Variants in ZC4H2 observed in about 807,000 individuals in gnomAD.
ZC4H2 encodes zinc finger C4H2 domain-containing protein.
For synonymous variants in ZC4H2, 84 were observed against 66.3 expected (o/e 1.27, Z -1.30); for missense variants, 137 against 173.9 (o/e 0.79, Z 1.19).
intron 1 of ZC4H2, among the ~76,000 whole-genome samples, chrX:64,989,980 T>C (rs766533608): frequency 1.8e-4 from 20 of 112,062 alleles, no homozygotes; most frequent in Non-Finnish European, 7.5e-5. Flanking sequence ...GTTTTGTATT[T>C]TTAAAAAAGA....
chrX:64,978,186 G>A (rs1932005098), upstream of ZC4H2, among the ~76,000 whole-genome samples: 1 of 111,865 alleles, frequency 8.9e-6, no homozygotes, highest in Admixed American at 9.4e-5. Flanking sequence ...ACAGGGCTTG[G>A]TATTTTGTAG....
intron 1 of ZC4H2, among the ~76,000 whole-genome samples, chrX:65,008,238 A>G (rs1354298888): frequency 1.8e-5 from 2 of 112,265 alleles, no homozygotes; most frequent in Non-Finnish European, 3.8e-5. Flanking sequence ...TTATCAGAGA[A>G]ATGGAAATCA....
intron 1 of ZC4H2, among the ~76,000 whole-genome samples, chrX:65,011,433 C>G (rs748928617): frequency 9.0e-6 from 1 of 111,360 alleles, no homozygotes; most frequent in East Asian, 2.8e-4. Flanking sequence ...TTAGCGAGGC[C>G]CTGGGTGAGG....
intron 1 of ZC4H2, among the ~76,000 whole-genome samples, chrX:64,988,614 T>C (rs1033287040): frequency 3.6e-5 from 4 of 111,016 alleles, no homozygotes; most frequent in African/African-American, 1.3e-4. Flanking sequence ...GAATTCATTG[T>C]AGATTCTGGA....
rs935556868 is a variant in ZC4H2 at position 64,916,246 on chromosome X, T to C, written c.*1537A>G. The C allele has an allele frequency of 3.6e-5, 4 of 111,508 alleles. No homozygotes were observed. Among genetic ancestry groups the C allele is most frequent in the African/African-American group, 1.3e-4 (4 of 30,608 alleles). The allele number at this position is 111,508 out of a possible 1,213,427, so 9.2% of individuals were successfully genotyped here. ...AATCATTTATATTAAGCAACTTGCA[T>C]AGGTACCTGGCACAGAGTAGGTGCT... On this transcript the variant is annotated 3_prime_UTR_variant, in exon 5 of 5. Transcript: ENST00000374839.
At chrX:64,920,326 T>A (rs1929140958) in intron 2 of ZC4H2, 73 bp from the exon 3 acceptor site, 2 of 1,064,714 alleles carry the variant, frequency 1.9e-6, no homozygotes, top group Admixed American at 2.6e-5. Flanking sequence ...GCTGAGTGAA[T>A]AATAGCACAA....
chrX:64,945,755 C>T (rs751770069), intron 1 of ZC4H2, among the ~76,000 whole-genome samples: 5 of 111,471 alleles, frequency 4.5e-5, no homozygotes, highest in Admixed American at 1.9e-4. Context: ...GGACTGCTGC[C>T]TTTTTTCCCG....
In ZC4H2 at chrX:65,021,986, A is replaced by T. The variant is rs747511293; in HGVS notation, c.-272+12643T>A. 2.7e-5 allele frequency among the ~76,000 whole-genome samples: 3 copies of T among 111,999 alleles called. No homozygotes were observed. The East Asian group carries it at 8.4e-4, about 31-fold the overall frequency. ...CCAAGACTAAACCAGGGAGAAGTCG[A>T]ATCCCTGAATATATCAGTAACAAGT... On this transcript the variant is annotated intron_variant, in intron 1 of 4. Coordinates refer to the ZC4H2 transcript ENST00000337990.
intron 1 of ZC4H2, among the ~76,000 whole-genome samples, chrX:65,018,637 C>CTT (rs34913522): frequency 7.5e-5 from 8 of 106,926 alleles, no homozygotes; most frequent in African/African-American, 2.8e-4. Flanking sequence ...GTTGCAGGAG[C>CTT]TTTTTTTTTT....
At chrX:64,981,902 A>G (rs1932088815) in intron 1 of ZC4H2, among the ~76,000 whole-genome samples, 1 of 111,103 alleles carries the variant, frequency 9.0e-6, no homozygotes, top group African/African-American at 3.3e-5. Context: ...AGGTATTCTC[A>G]GGCAATGTTT....
At chrX:64,958,588 C>T (rs1931254490) in intron 1 of ZC4H2, among the ~76,000 whole-genome samples, 1 of 111,444 alleles carries the variant, frequency 9.0e-6, no homozygotes, top group South Asian at 3.8e-4. Flanking sequence ...TCAATCTCCC[C>T]ACCTCCAAAA....
At chrX:64,965,723 C>A (rs1931565449) in intron 1 of ZC4H2, among the ~76,000 whole-genome samples, 1 of 109,936 alleles carries the variant, frequency 9.1e-6, no homozygotes, top group African/African-American at 3.3e-5. Context: ...ATCGCTTGAG[C>A]CCAGGAGTTC....
Position 64,921,805 on chromosome X carries a change from G to A in ZC4H2, c.225+12C>T. The A allele has an allele frequency of 8.3e-7, 1 of 1,207,614 alleles. No homozygotes were observed. Among genetic ancestry groups the A allele is most frequent in the Non-Finnish European group, 1.1e-6 (1 of 893,772 alleles). The stretch of plus-strand genomic sequence containing the variant: ...CAAAGGCTTTAGAGATAGGCTCCAG[G>A]CAGCCACGTACCACATTGATGTCAG... On this transcript the variant is annotated intron_variant, in intron 2 of 4. Transcript: ENST00000374839.
At chrX:64,961,406 T>C (rs1291515004) in intron 1 of ZC4H2, among the ~76,000 whole-genome samples, 1 of 111,587 alleles carries the variant, frequency 9.0e-6, no homozygotes, top group Admixed American at 9.5e-5. Context: ...CATAATAGTT[T>C]TCATCTATAG....
intron 1 of ZC4H2, among the ~76,000 whole-genome samples, chrX:64,985,869 AC>A (rs1469930734): frequency 9.0e-6 from 1 of 111,304 alleles, no homozygotes; most frequent in African/African-American, 3.3e-5. Context: ...TCTCCTCTTG[AC>A]CCTCTTACTT....
At chrX:65,032,356 T>C (rs1414782746) in intron 1 of ZC4H2, among the ~76,000 whole-genome samples, 1 of 112,055 alleles carries the variant, frequency 8.9e-6, no homozygotes, top group Admixed American at 9.4e-5. Flanking sequence ...TAAGCAAATT[T>C]TGTAAAAAGT....
At chrX:64,980,069 C>A (rs931196799), upstream of ZC4H2, among the ~76,000 whole-genome samples, 1 of 112,034 alleles carries the variant, frequency 8.9e-6, no homozygotes, top group African/African-American at 3.2e-5. Flanking sequence ...AGTCTTGGTT[C>A]CAAATTGCCT....
At chrX:64,980,386 A>G (rs1297393858), upstream of ZC4H2, among the ~76,000 whole-genome samples, 1 of 111,900 alleles carries the variant, frequency 8.9e-6, no homozygotes, top group Non-Finnish European at 1.9e-5. Context: ...ACACACACAC[A>G]TAAGGGGAGA....
At chrX:65,023,458 G>A (rs927580277) in intron 1 of ZC4H2, among the ~76,000 whole-genome samples, 2 of 111,546 alleles carry the variant, frequency 1.8e-5, no homozygotes, top group Admixed American at 1.9e-4. Flanking sequence ...AATGCTTTCA[G>A]TTTTTCTCAA....
Sources: allele counts gnomAD v4.1 joint callset (sites outside exome capture counted in the v4.1 genomes callset), GRCh38; gene constraint gnomAD v4.1.1; transcripts MANE v1.5; gene names NCBI Gene and HGNC (gene_info 2026-07-23, HGNC 2026-07-21).